SV2C: variants seen among roughly 807,000 people sequenced by gnomAD.
The protein encoded by SV2C is solute carrier family 22 member B3.
In SV2C, 49 loss-of-function variants were observed where a neutral mutation model predicts 79.7. The ratio of observed to expected loss-of-function variants is 0.61; its 90% CI spans 0.49 to 0.78. The LOEUF (loss-of-function observed/expected upper bound fraction) is 0.78, where lower values mean the gene tolerates loss of function less well. Among genes scored for constraint, SV2C ranks in the 30% least tolerant of loss-of-function variants. The probability of loss-of-function intolerance (pLI) is 0.00; values close to 1 mark genes in which losing one functional copy is unlikely to be tolerated. For missense variants in SV2C, 833 were observed against 912.9 expected, an observed-to-expected ratio of 0.91 and a Z score of 1.13; for synonymous variants, 334 against 333.2, an observed-to-expected ratio of 1.00 and a Z score of -0.03.
intron 12 of SV2C, among the ~76,000 whole-genome samples, chr5:76,351,712 G>A (rs1357493873): frequency 6.6e-6 from 1 of 152,152 alleles, no homozygotes; most frequent in Non-Finnish European, 1.5e-5. Flanking sequence ...CAGTGTATCT[G>A]TTCTATAGTG....
At chr5:76,339,410 GTTTTT>G (rs1044284018) in intron 12 of SV2C, among the ~76,000 whole-genome samples, 3 of 151,820 alleles carry the variant, frequency 2.0e-5, no homozygotes, top group African/African-American at 4.8e-5. Flanking sequence ...TAGTTGTTTG[GTTTTT>G]TTTAAGATTT....
the SV2C span, among the ~76,000 whole-genome samples, chr5:76,027,306 C>G: frequency 6.6e-6 from 1 of 152,074 alleles, no homozygotes; most frequent in African/African-American, 2.4e-5. Context: ...AGGTGATCCA[C>G]CCGCCTCAGC....
chr5:76,231,836 A>G (rs1210904500), intron 4 of SV2C, among the ~76,000 whole-genome samples: 1 of 146,134 alleles, frequency 6.8e-6, no homozygotes, highest in Non-Finnish European at 1.5e-5. Flanking sequence ...CCAGTCTATC[A>G]CTGTTGGACA....
chr5:75,850,500 T>C, the SV2C span, among the ~76,000 whole-genome samples: 1 of 152,170 alleles, frequency 6.6e-6, no homozygotes, highest in Non-Finnish European at 1.5e-5. Context: ...CTTTTCATTT[T>C]TAAGAACAAA....
At chr5:76,164,916 C>A (rs1328425517) in intron 2 of SV2C, among the ~76,000 whole-genome samples, 2 of 152,018 alleles carry the variant, frequency 1.3e-5, no homozygotes, top group African/African-American at 4.8e-5. Flanking sequence ...TTTAAATCAT[C>A]TCTAGATTAC....
chr5:75,883,704 G>A, the SV2C span, among the ~76,000 whole-genome samples: 1 of 118,274 alleles, frequency 8.5e-6, no homozygotes, highest in Non-Finnish European at 1.7e-5. Context: ...GGGGGAGGGG[G>A]GAGGGATAGC....
intron 4 of SV2C, among the ~76,000 whole-genome samples, chr5:76,238,049 CACACACACACACACACAT>C (rs1211804233): frequency 5.0e-4 from 58 of 116,472 alleles, no homozygotes; most frequent in Admixed American, 1.6e-3. Flanking sequence ...CACACACACA[CACACACACACACACACAT>C]ATATATACCT....
chr5:76,170,061 TTTTTTATTTTTA>T (rs1303070885), intron 2 of SV2C, among the ~76,000 whole-genome samples: 13 of 152,286 alleles, frequency 8.5e-5, no homozygotes, highest in East Asian at 7.7e-4. Flanking sequence ...CCTATTTTAT[TTTTTTATTTTTA>T]TTTTTATTTT....
chr5:76,058,971 A>G, the SV2C span, among the ~76,000 whole-genome samples: 5 of 152,148 alleles, frequency 3.3e-5, no homozygotes, highest in African/African-American at 1.2e-4. Context: ...GAAAGCAAAT[A>G]ATGTAATAAG....
chr5:75,969,592 G>A, the SV2C span, among the ~76,000 whole-genome samples: 1 of 152,144 alleles, frequency 6.6e-6, no homozygotes, highest in Non-Finnish European at 1.5e-5. Flanking sequence ...TTACATAATG[G>A]TAAAGGGATC....
chr5:75,900,817 C>T, the SV2C span, among the ~76,000 whole-genome samples: 1 of 152,172 alleles, frequency 6.6e-6, no homozygotes, highest in Non-Finnish European at 1.5e-5. Flanking sequence ...CTTCCCTTCT[C>T]ACTTCATTTC....
the SV2C span, among the ~76,000 whole-genome samples, chr5:75,896,702 T>C: frequency 6.6e-6 from 1 of 151,078 alleles, no homozygotes; most frequent in Non-Finnish European, 1.5e-5. Flanking sequence ...AAAGTGTTCC[T>C]GTTTCTCCAC....
At chr5:75,852,670 T>C in the SV2C span, among the ~76,000 whole-genome samples, 2 of 151,690 alleles carry the variant, frequency 1.3e-5, no homozygotes, top group Non-Finnish European at 2.9e-5. Flanking sequence ...CTAAAAAATA[T>C]AAAAAATTAG....
the SV2C span, among the ~76,000 whole-genome samples, chr5:76,019,325 A>G: frequency 6.6e-6 from 1 of 152,146 alleles, no homozygotes; most frequent in African/African-American, 2.4e-5. Context: ...GAGGGCAGAA[A>G]CCAGAATTCA....
chr5:76,016,209 T>G, the SV2C span, among the ~76,000 whole-genome samples: 2 of 120,680 alleles, frequency 1.7e-5, no homozygotes, highest in African/African-American at 6.6e-5. Context: ...CCCTCAAAAT[T>G]CCAGTGCAGC....
At chr5:75,857,611 A>C in the SV2C span, among the ~76,000 whole-genome samples, 4 of 151,922 alleles carry the variant, frequency 2.6e-5, no homozygotes, top group Non-Finnish European at 5.9e-5. Context: ...TGGTTCCTAA[A>C]TTTTAGAATT....
chr5:75,953,250 A>C, the SV2C span, among the ~76,000 whole-genome samples: 1 of 151,902 alleles, frequency 6.6e-6, no homozygotes, highest in East Asian at 1.9e-4. Context: ...CTCCCTCCCA[A>C]GGAGAGGATT....
At position 76,229,193 on chromosome 5, in the gene SV2C, C is replaced by A. The variant is rs544239898; in HGVS notation, c.913+19306C>A. 2.3e-3 allele frequency among the ~76,000 whole-genome samples: 345 copies of A among 152,360 alleles called. 5 individuals are homozygous for A. The highest frequency in any genetic ancestry group is 7.7e-3 in the African/African-American group (319 of 41,586). On this transcript the variant is annotated intron_variant, in intron 4 of 12. Transcript: ENST00000502798. ...ATCCTCCCCACTCTGCTGCCTATGT[C>A]TGCCAGGCTGAGGATCCTCACCCTG...
At chr5:76,335,414 CTTTTTTTTTT>C (rs869230352), downstream of SV2C, among the ~76,000 whole-genome samples, 2 of 98,114 alleles carry the variant, frequency 2.0e-5, no homozygotes, top group African/African-American at 4.8e-5. Context: ...ACACATTTTC[CTTTTTTTTTT>C]TTTTTTTTTT....
Sources: gnomAD v4.1 joint callset for allele counts (sites outside exome capture counted in the v4.1 genomes callset) on GRCh38, gnomAD v4.1.1 for gene constraint, MANE v1.5 for transcripts, NCBI Gene and HGNC (gene_info 2026-07-23, HGNC 2026-07-21) for gene names.